CNKSR2: variants seen among roughly 807,000 people sequenced by gnomAD.
CNKSR2 encodes the protein CNK homolog protein 2.
Under a neutral mutation model 84.4 loss-of-function variants are expected in CNKSR2, and 14 were observed. That is an observed-to-expected ratio of 0.17 (90% CI 0.11 to 0.26). The LOEUF is 0.26. Ranked by LOEUF, CNKSR2 falls within the 10% of genes least tolerant of loss-of-function variation. The pLI is 1.00. For synonymous variants in CNKSR2, 275 were observed against 277.9 expected (o/e 0.99, Z 0.10); for missense variants, 485 against 771.2 (o/e 0.63, Z 4.40).
At chrX:21,563,533 A>C in intron 13 of CNKSR2, 81 bp downstream of exon 13, 1 of 720,811 alleles carries the variant, frequency 1.4e-6, no homozygotes, top group Non-Finnish European at 2.0e-6. Context: ...AGTCTAGGTT[A>C]TTTTTATCCT....
chrX:21,522,515 A>G (rs2091794497), intron 9 of CNKSR2, among the ~76,000 whole-genome samples: 1 of 111,328 alleles, frequency 9.0e-6, no homozygotes, highest in Non-Finnish European at 1.9e-5. Flanking sequence ...ATGCTTGCCC[A>G]GAGATGTTAA....
chrX:21,543,784 C>T (rs1394267319), intron 11 of CNKSR2, among the ~76,000 whole-genome samples: 2 of 111,906 alleles, frequency 1.8e-5, no homozygotes, highest in East Asian at 5.6e-4. Context: ...AGATAACATA[C>T]GTCAAATACT....
intron 8 of CNKSR2, among the ~76,000 whole-genome samples, chrX:21,509,386 G>A (rs1296096815): frequency 9.0e-6 from 1 of 111,465 alleles, no homozygotes; most frequent in Non-Finnish European, 1.9e-5. Flanking sequence ...AATCTTTCCC[G>A]TATTTCTTCT....
In CNKSR2 at chrX:21,479,398, T is replaced by G. The variant is rs969399495; in HGVS notation, c.561+8591T>G. 2.7e-5 allele frequency among the ~76,000 whole-genome samples: 3 copies of G among 111,552 alleles called. No individual in the cohort carries two copies. In the East Asian group the frequency reaches 8.4e-4, roughly 31 times the overall value. On this transcript the variant is annotated intron_variant, in intron 5 of 21. Coordinates refer to ENST00000379510, the MANE Select transcript of CNKSR2 (RefSeq NM_014927.5). ...TTATCTTTGCTATTGTGAATTTTGA[T>G]ATAATATTTGTTTTCCTTTGGGTAG...
intron 1 of CNKSR2, among the ~76,000 whole-genome samples, chrX:21,398,938 C>T (rs1288111718): frequency 9.2e-6 from 1 of 108,312 alleles, no homozygotes; most frequent in African/African-American, 3.4e-5. Flanking sequence ...AGAATTGAGT[C>T]GTTACTGTAT....
rs776485195 is a variant in CNKSR2, at chrX:21,426,512, T to G, written c.80T>G (p.Leu27Trp). 2 of 1,208,614 alleles carry G rather than the reference T, an allele frequency of 1.7e-6. No individual in the cohort carries two copies. The highest frequency in any genetic ancestry group is 2.2e-6 in the Non-Finnish European group (2 of 893,467). Residue 27 changes from leucine (L) to tryptophan (W), a missense_variant, in exon 2 of 22, where the codon TTG (leucine) becomes TGG (tryptophan). Around this residue, in one of 5 missense-constraint regions of CNKSR2, gnomAD observed 109 missense variants for 197.5 expected, o/e 0.55. Transcript: ENST00000379510. ...VDWMKGLDDCLQQYIKNFERE... is the reference protein window; with the variant it reads ...VDWMKGLDDCWQQYIKNFERE... ...TATTTTGTAGGTCTTGATGACTGTTTGCAGCAGTATATTAAGAACTTTGAG... is the reference window on the plus strand; with the variant it reads ...TATTTTGTAGGTCTTGATGACTGTTGGCAGCAGTATATTAAGAACTTTGAG...
At chrX:21,405,299 C>T (rs1019130923) in intron 1 of CNKSR2, among the ~76,000 whole-genome samples, 1 of 111,749 alleles carries the variant, frequency 8.9e-6, no homozygotes, top group Non-Finnish European at 1.9e-5. Context: ...GCTATACTTT[C>T]TTACTTATTT....
At chrX:21,488,331 A>G (rs1202198280) in intron 5 of CNKSR2, among the ~76,000 whole-genome samples, 1 of 112,231 alleles carries the variant, frequency 8.9e-6, no homozygotes, top group Non-Finnish European at 1.9e-5. Flanking sequence ...TTAATGCATT[A>G]TCATGTCTTA....
intron 1 of CNKSR2, among the ~76,000 whole-genome samples, chrX:21,391,589 C>A (rs921855572): frequency 9.0e-5 from 10 of 111,712 alleles, no homozygotes; most frequent in African/African-American, 3.3e-4. Flanking sequence ...GGCTCTGGGC[C>A]CAGCCTACAA....
Position 21,559,911 on chromosome X carries a change from A to G in CNKSR2, c.1304-1560A>G, listed in dbSNP as rs1369021747. Among the ~76,000 whole-genome samples the G allele has an allele frequency of 2.7e-5, 3 of 111,922 alleles. No homozygotes were observed. The East Asian group carries it at 8.4e-4, about 31-fold the overall frequency. ...TCAGATTTTAAAAGAGCTTAGCAAA[A>G]CAGACTAAACTGTATCAGTGTTCAC... On this transcript the variant is annotated intron_variant, in intron 11 of 21. Coordinates refer to ENST00000379510, the MANE Select transcript of CNKSR2 (RefSeq NM_014927.5).
chrX:21,427,528 G>A (rs1372135526), intron 2 of CNKSR2: 1 of 111,479 alleles, frequency 9.0e-6, no homozygotes, highest in Non-Finnish European at 1.9e-5. Flanking sequence ...GAGTTGACTA[G>A]TCCAGGAAGT....
chrX:21,483,869 G>A (rs923729980), intron 5 of CNKSR2, among the ~76,000 whole-genome samples: 4 of 110,820 alleles, frequency 3.6e-5, no homozygotes, highest in African/African-American at 1.3e-4. Context: ...CAGAATAAAT[G>A]TATGATATTT....
At chrX:21,418,413 A>G (rs1326204092) in intron 1 of CNKSR2, among the ~76,000 whole-genome samples, 2 of 111,457 alleles carry the variant, frequency 1.8e-5, no homozygotes, top group Non-Finnish European at 3.8e-5. Flanking sequence ...ATGACTAGTT[A>G]TTGCTCATAA....
chrX:21,396,701 G>C (rs1210341500), intron 1 of CNKSR2, among the ~76,000 whole-genome samples: 1 of 111,865 alleles, frequency 8.9e-6, no homozygotes, highest in South Asian at 3.7e-4. Context: ...GCTAGAATGA[G>C]AACAAACTTT....
chrX:21,405,262 C>A (rs1028472339), intron 1 of CNKSR2, among the ~76,000 whole-genome samples: 1 of 111,644 alleles, frequency 9.0e-6, no homozygotes, highest in African/African-American at 3.3e-5. Context: ...TATCCATATA[C>A]TATTGGGCAT....
chrX:21,515,315 C>T (rs2091716186), intron 8 of CNKSR2, among the ~76,000 whole-genome samples: 1 of 111,298 alleles, frequency 9.0e-6, no homozygotes, highest in South Asian at 3.7e-4. Context: ...TGCTCATTCT[C>T]TCCAGCTTGA....
At chrX:21,424,799 A>G (rs928349267) in intron 1 of CNKSR2, 2 of 112,086 alleles carry the variant, frequency 1.8e-5, no homozygotes, top group Non-Finnish European at 3.8e-5. Flanking sequence ...TTTAAAATAT[A>G]AATCCTGTTT....
intron 20 of CNKSR2, among the ~76,000 whole-genome samples, chrX:21,637,990 TC>T (rs892330108): frequency 9.0e-6 from 1 of 111,408 alleles, no homozygotes; most frequent in African/African-American, 3.3e-5. Flanking sequence ...AAATTTGCCC[TC>T]AAGCATGCTG....
chrX:21,649,292 T>C (rs2092714960), intron 21 of CNKSR2, among the ~76,000 whole-genome samples: 1 of 112,257 alleles, frequency 8.9e-6, no homozygotes, highest in African/African-American at 3.2e-5. Flanking sequence ...ATTTAAATTG[T>C]TTTCTAAAAA....
Sources: allele counts gnomAD v4.1 joint callset (sites outside exome capture counted in the v4.1 genomes callset), GRCh38; gene constraint gnomAD v4.1.1; regional missense constraint gnomAD v4.1.1; transcripts MANE v1.5; gene names NCBI Gene and HGNC (gene_info 2026-07-23, HGNC 2026-07-21).